Variants in TMEM132B observed in about 807,000 individuals in gnomAD.
TMEM132B encodes transmembrane protein 132B.
In TMEM132B, 18 loss-of-function variants were observed where a neutral mutation model predicts 90.8. The observed-to-expected ratio is 0.20, with a 90% CI of 0.14 to 0.29. The LOEUF (loss-of-function observed/expected upper bound fraction) is 0.29, where lower values mean the gene tolerates loss of function less well. TMEM132B is among the 10% of genes least tolerant of loss of function. The pLI is 1.00. For synonymous variants in TMEM132B, 504 were observed against 523.3 expected, an observed-to-expected ratio of 0.96 and a Z score of 0.50; for missense variants, 1,096 against 1,326.8, an observed-to-expected ratio of 0.83 and a Z score of 2.70.
At chr12:125,398,723 G>A (rs1248673259) in intron 2 of TMEM132B, among the ~76,000 whole-genome samples, 1 of 152,218 alleles carries the variant, frequency 6.6e-6, no homozygotes, top group Non-Finnish European at 1.5e-5. Flanking sequence ...TTAAGACATG[G>A]TCTAATTGTT....
intron 1 of TMEM132B, among the ~76,000 whole-genome samples, chr12:125,243,831 C>T (rs1874145541): frequency 6.6e-6 from 1 of 152,140 alleles, no homozygotes; most frequent in Non-Finnish European, 1.5e-5. Context: ...TTCTGCAGAC[C>T]TGAACGAATG....
intron 1 of TMEM132B, among the ~76,000 whole-genome samples, chr12:125,253,425 T>TC (rs1042717080): frequency 5.4e-5 from 8 of 149,298 alleles, no homozygotes; most frequent in South Asian, 2.1e-4. Flanking sequence ...CTTTTTTCTT[T>TC]CCCCCCCACT....
At chr12:125,394,279 GT>G (rs1166728206) in intron 2 of TMEM132B, among the ~76,000 whole-genome samples, 3 of 152,236 alleles carry the variant, frequency 2.0e-5, no homozygotes, top group African/African-American at 7.2e-5. Flanking sequence ...AATCCAGGCA[GT>G]CTGGTTCCAG....
At chr12:125,340,900 A>G (rs1877158764) in intron 1 of TMEM132B, among the ~76,000 whole-genome samples, 1 of 152,232 alleles carries the variant, frequency 6.6e-6, no homozygotes, top group African/African-American at 2.4e-5. Flanking sequence ...TCGTAAGCTC[A>G]CAATGTATTG....
At chr12:125,337,446 T>G (rs992992146) in intron 1 of TMEM132B, among the ~76,000 whole-genome samples, 1 of 152,160 alleles carries the variant, frequency 6.6e-6, no homozygotes, top group Non-Finnish European at 1.5e-5. Context: ...CAGTGTTTCC[T>G]GCTTCTCACT....
intron 2 of TMEM132B, among the ~76,000 whole-genome samples, chr12:125,385,240 C>T (rs1252355713): frequency 6.6e-6 from 1 of 152,070 alleles, no homozygotes; most frequent in Non-Finnish European, 1.5e-5. Context: ...AAAAACTAGG[C>T]AAGATCAAAG....
chr12:125,491,494 G>C (rs1211482812), intron 3 of TMEM132B, among the ~76,000 whole-genome samples: 2 of 152,142 alleles, frequency 1.3e-5, no homozygotes, highest in African/African-American at 4.8e-5. Flanking sequence ...GCTCACCAAG[G>C]GTTTCCTCCA....
chr12:125,501,037 C>G (rs1302935351), intron 3 of TMEM132B, among the ~76,000 whole-genome samples: 1 of 152,056 alleles, frequency 6.6e-6, no homozygotes. Flanking sequence ...TTTGTCAGAT[C>G]GAATAAAGGG....
In TMEM132B at chr12:125,490,861, C is replaced by T. The variant is rs531127972; in HGVS notation, c.1107-28578C>T. ...ATGTGCCACTTAAAAGACTAGGTCTCAAAAAGCATTGCACTTTCTTCCTTG... is the reference window on the plus strand; with the variant it reads ...ATGTGCCACTTAAAAGACTAGGTCTTAAAAAGCATTGCACTTTCTTCCTTG... On this transcript the variant is annotated intron_variant, in intron 3 of 8. Coordinates refer to ENST00000682704, the MANE Select transcript of TMEM132B (RefSeq NM_001366854.1). The surrounding 1 kb of genome is among the most constrained non-coding windows in gnomAD (Gnocchi z 4.2). Among the ~76,000 whole-genome samples, 1 of 152,320 alleles carries T rather than the reference C, an allele frequency of 6.6e-6. No individual in the cohort carries two copies. The highest frequency in any genetic ancestry group is 6.5e-5 in the Admixed American group (1 of 15,300).
intron 1 of TMEM132B, among the ~76,000 whole-genome samples, chr12:125,299,374 T>C (rs1004146760): frequency 3.3e-5 from 5 of 152,176 alleles, no homozygotes; most frequent in African/African-American, 9.7e-5. Flanking sequence ...CCAAGCCCCA[T>C]TGTGGCTCCC....
chr12:125,236,524 G>A (rs1252066252), intron 1 of TMEM132B, among the ~76,000 whole-genome samples: 4 of 152,134 alleles, frequency 2.6e-5, no homozygotes, highest in Non-Finnish European at 4.4e-5. Context: ...TCGGGTATAA[G>A]TTTATCTGCC....
rs1887065868 is a variant in TMEM132B at position 125,656,555 on chromosome 12, T to C, written c.*1845T>C. On this transcript the variant is annotated 3_prime_UTR_variant, in exon 9 of 9. Coordinates refer to ENST00000682704, the MANE Select transcript of TMEM132B (RefSeq NM_001366854.1). Reference sequence around the variant, plus strand: ...CCAGCGTTCAGTTAGTTGTATAAAATGGGGCTTAGGAACCGAAGCTGATGA... The same window carrying C: ...CCAGCGTTCAGTTAGTTGTATAAAACGGGGCTTAGGAACCGAAGCTGATGA... 6.6e-6 allele frequency: 1 copy of C among 152,238 alleles called. No homozygotes were observed. The highest frequency in any genetic ancestry group is 6.5e-5 in the Admixed American group (1 of 15,286). 9.4% of individuals were successfully genotyped at this position (152,238 alleles called of 1,614,324 possible).
At chr12:125,267,277 A>G (rs947859392) in intron 1 of TMEM132B, among the ~76,000 whole-genome samples, 1 of 151,986 alleles carries the variant, frequency 6.6e-6, no homozygotes, top group Admixed American at 6.6e-5. Flanking sequence ...CCTCATCTCT[A>G]TAGGTGTATT....
intron 1 of TMEM132B, among the ~76,000 whole-genome samples, chr12:125,238,944 G>C (rs754436356): frequency 6.6e-6 from 1 of 152,198 alleles, no homozygotes; most frequent in Non-Finnish European, 1.5e-5. Context: ...GCCTGGAATA[G>C]AAGATGAAAG....
chr12:125,207,752 A>G (rs1443515657), intron 1 of TMEM132B, among the ~76,000 whole-genome samples: 3 of 152,040 alleles, frequency 2.0e-5, no homozygotes, highest in Non-Finnish European at 4.4e-5. Context: ...TCCCTTCTCC[A>G]TTTCCCCAGG....
intron 4 of TMEM132B, among the ~76,000 whole-genome samples, chr12:125,565,265 C>G (rs7316137): frequency 5.3e-4 from 81 of 152,262 alleles, no homozygotes; most frequent in Middle Eastern, 3.4e-3. Flanking sequence ...GAGACAGAAT[C>G]GTGGCTTGTC....
intron 1 of TMEM132B, among the ~76,000 whole-genome samples, chr12:125,233,321 C>T (rs1246298343): frequency 6.6e-6 from 1 of 152,214 alleles, no homozygotes; most frequent in Non-Finnish European, 1.5e-5. Flanking sequence ...CAAGATCCTT[C>T]TAGTTTCTGC....
rs1454589379 is a variant in TMEM132B at position 125,652,595 on chromosome 12, C to T, written c.2069C>T (p.Thr690Ile). The change falls in exon 8 of 9, where the codon ACA (threonine) becomes ATA (isoleucine). Residue 690 changes from threonine (T) to isoleucine (I), a missense_variant. By Grantham distance (89) the Thr-to-Ile change is moderately conservative (BLOSUM62 -1). Transcript: ENST00000682704. The stretch of plus-strand genomic sequence containing the variant: ...GCAGACAAAAGGGCCATCGTCTCCA[C>T]AGCTGCTGCCCTGGATGTTCTTCAG... The part of the protein sequence containing the change: ...HRADKRAIVS[T>I]AAALDVLQSP... The T allele has an allele frequency of 1.9e-6, 3 of 1,613,520 alleles. No individual in the cohort carries two copies. Among genetic ancestry groups the T allele is most frequent in the Admixed American group, 3.3e-5 (2 of 59,950 alleles).
rs1471271571 is a variant in TMEM132B, at chr12:125,407,943, A to G, written c.960-7588A>G. Among the ~76,000 whole-genome samples the G allele has an allele frequency of 1.3e-5, 2 of 152,194 alleles. No homozygotes were observed. The highest frequency in any genetic ancestry group is 4.8e-5 in the African/African-American group (2 of 41,438). ...AGTCCACATAAGCGAGCACAGACTG[A>G]TGAGTTCTCACAACCACCAAGTAAT... On this transcript the variant is annotated intron_variant, in intron 2 of 8. Transcript: ENST00000682704. This position sits in a 1 kb window ranked among gnomAD's most constrained non-coding sequence, Gnocchi z 6.7.
Sources: allele counts gnomAD v4.1 joint callset (sites outside exome capture counted in the v4.1 genomes callset), GRCh38; gene constraint gnomAD v4.1.1; non-coding constraint Gnocchi (gnomAD v3.1); transcripts MANE v1.5; gene names NCBI Gene and HGNC (gene_info 2026-07-23, HGNC 2026-07-21).